Variants in DBN1 observed in about 807,000 individuals in gnomAD.
DBN1 encodes the protein drebrin.
A neutral mutation model predicts 83.5 loss-of-function variants in DBN1; 21 were observed. The observed-to-expected ratio is 0.25, with a 90% CI of 0.18 to 0.36. The LOEUF (loss-of-function observed/expected upper bound fraction) is 0.36, where lower values mean the gene tolerates loss of function less well. Among genes scored for constraint, DBN1 ranks in the 10% least tolerant of loss-of-function variants. The pLI, the probability that DBN1 is intolerant of heterozygous loss-of-function variation, is 1.00. For missense variants in DBN1, 874 were observed against 935.7 expected (o/e 0.93, Z 0.86); for synonymous variants, 381 against 384.9 (o/e 0.99, Z 0.12).
rs755552376 is a variant in DBN1, at chr5:177,459,144, G to A, written c.1218C>T (p.Thr406=). 6.2e-7 allele frequency: 1 copy of A among 1,611,732 alleles called. No individual in the cohort carries two copies. Among genetic ancestry groups the A allele is most frequent in the South Asian group, 1.1e-5 (1 of 90,962 alleles). ...EQIERALDEV[T]SSQPPPLPPP... is the part of the protein sequence containing the mutation. ...GTGGCAGTGGTGGAGGCTGCGAGGA[G>A]GTGACCTCATCCAGGGCCCGCTCTA... Residue 406 remains threonine, a synonymous_variant, in exon 12 of 15, where the codon ACC becomes ACT. Coordinates refer to ENST00000393565, the MANE Select transcript of DBN1 (RefSeq NM_001363541.2).
Position 177,463,448 on chromosome 5 carries a change from C to A in DBN1, c.772-2745G>T, listed in dbSNP as rs938248552. Among the ~76,000 whole-genome samples the A allele has an allele frequency of 2.0e-5, 3 of 152,206 alleles. No individual in the cohort carries two copies. In the East Asian group the frequency reaches 5.8e-4, roughly 29 times the overall value. ...CACATGGGTCAAAGCCACTGCTGTG[C>A]CTAAAGCATTTTCAGATACACGGGA... On this transcript the variant is annotated intron_variant, in intron 8 of 14. Transcript: ENST00000393565.
Position 177,473,329 on chromosome 5 carries a change from C to T in DBN1, c.86+107G>A, listed in dbSNP as rs1206405811. 2.0e-5 allele frequency: 12 copies of T among 606,350 alleles called. No individual in the cohort carries two copies. The East Asian group carries it at 2.9e-4, about 15-fold the overall frequency. The allele number at this position is 606,350 out of a possible 1,614,324, so 37.6% of individuals were successfully genotyped here. A position where few individuals can be genotyped will look rare whatever the true frequency, so the allele number is the denominator to read the frequency against. The stretch of plus-strand genomic sequence containing the variant: ...GCCCTCCCGGCCCGCTGCACCATTT[C>T]GGGGTCCCCCTCCCTTCCCGGCGGC... On this transcript the variant is annotated intron_variant, in intron 1 of 14. Transcript: ENST00000393565.
At chr5:177,461,971 A>G (rs1250642903) in intron 8 of DBN1, among the ~76,000 whole-genome samples, 1 of 152,168 alleles carries the variant, frequency 6.6e-6, no homozygotes, top group Non-Finnish European at 1.5e-5. Context: ...GTTTCTCTTG[A>G]GGTGACAGAG....
chr5:177,468,627 G>A (rs1387716831), intron 2 of DBN1: 1 of 428,262 alleles, frequency 2.3e-6, no homozygotes, highest in African/African-American at 2.0e-5. Context: ...CCCTGTTGGA[G>A]GCTCAGCCTC....
At position 177,457,987 on chromosome 5, in the gene DBN1, G is replaced by A. The variant is rs752043399; in HGVS notation, c.1914+71C>T. 17 of 1,587,082 alleles carry A rather than the reference G, an allele frequency of 1.1e-5. No homozygotes were observed. In the Admixed American group the frequency reaches 1.3e-4, roughly 12 times the overall value. ...AAGGGGGTACTGGTGCAAGCATGAG[G>A]AATGCAGGGCCAGCACCCTGCTCAG... On this transcript the variant is annotated intron_variant, in intron 13 of 14. Transcript: ENST00000393565.
chr5:177,457,652 T>C lies in DBN1; in HGVS notation c.2017+3A>G, dbSNP rs1756618849. On this transcript the variant is annotated splice_donor_region_variant and intron_variant, in intron 14 of 14. Coordinates refer to ENST00000393565, the MANE Select transcript of DBN1 (RefSeq NM_001363541.2). The stretch of plus-strand genomic sequence containing the variant: ...TCCTCCCCATCATCCAGCCCAGTAC[T>C]ACCTGGAGGCTTGTTGTAGAACACA... 3 of 1,588,556 alleles carry C rather than the reference T, an allele frequency of 1.9e-6. No homozygotes were observed. In the East Asian group the frequency reaches 6.7e-5, roughly 36 times the overall value.
chr5:177,468,920 C>T (rs1757657323), intron 1 of DBN1, 21 bp from the exon 2 acceptor site: 4 of 1,310,900 alleles, frequency 3.1e-6, no homozygotes, highest in African/African-American at 1.5e-5. Flanking sequence ...GGAGGGGTGG[C>T]TGTCAAACTG....
At chr5:177,468,935 G>A in intron 1 of DBN1, 36 bp from the exon 2 acceptor site, 1 of 1,293,628 alleles carries the variant, frequency 7.7e-7, no homozygotes. Flanking sequence ...AAACTGTCAG[G>A]GCCCAGGCCG....
intron 1 of DBN1, chr5:177,472,396 C>A (rs1431477571): frequency 6.9e-7 from 1 of 1,449,366 alleles, no homozygotes; most frequent in Non-Finnish European, 9.0e-7. Context: ...TGGGCACCTT[C>A]CCTAGAAGAA....
intron 1 of DBN1, 97 bp downstream of exon 1, chr5:177,473,339 C>T: frequency 1.4e-6 from 1 of 715,174 alleles, no homozygotes; most frequent in African/African-American, 1.8e-5. Context: ...CGGGGTCCCC[C>T]TCCCTTCCCG....
chr5:177,460,751 C>T (rs776196093), intron 8 of DBN1, 48 bp from the exon 9 acceptor site: 52 of 1,581,118 alleles, frequency 3.3e-5, no homozygotes, highest in Non-Finnish European at 4.2e-5. Context: ...CCCACAGGGG[C>T]TTTTGGCCTT....
intron 13 of DBN1, 147 bp downstream of exon 13, chr5:177,457,911 C>G: frequency 2.0e-6 from 2 of 1,004,380 alleles, no homozygotes; most frequent in South Asian, 1.3e-5. Flanking sequence ...AGAGCCGGCC[C>G]AGGGAGGGAG....
Position 177,459,178 on chromosome 5 carries a change from G to A in DBN1, c.1184C>T (p.Ala395Val), listed in dbSNP as rs139683766. The A allele has an allele frequency of 1.8e-4, 297 of 1,611,538 alleles. No homozygotes were observed. The African/African-American group carries it at 3.4e-3, about 18-fold the overall frequency. ...ATCCAGGGCCCGCTCTATCTGCTCA[G>A]CGACAGGGGTGGAGGCGGTGCTGGA... ...SDSSTASTPVAEQIERALDEV... is the reference protein window; with the variant it reads ...SDSSTASTPVVEQIERALDEV... The change falls in exon 12 of 15, where the codon GCT becomes GTT. Residue 395 changes from alanine to valine, a missense_variant. Physicochemically the swap from Ala to Val is moderately conservative, Grantham distance 64. This residue lies in a region of DBN1 where 725 missense variants were observed against 719.7 expected (regional missense o/e 1.01). Transcript: ENST00000393565.
intron 10 of DBN1, 25 bp downstream of exon 10, chr5:177,460,407 G>T: frequency 6.2e-7 from 1 of 1,612,720 alleles, no homozygotes; most frequent in Non-Finnish European, 8.5e-7. Context: ...AGTGGGGCCG[G>T]ACGGGGGGTG....
At chr5:177,462,196 C>A in intron 8 of DBN1, 2 of 983,546 alleles carry the variant, frequency 2.0e-6, no homozygotes, top group Non-Finnish European at 2.4e-6. Context: ...TCCAACACCA[C>A]CCCCTGCCGG....
chr5:177,462,368 C>A, intron 8 of DBN1: 1 of 985,582 alleles, frequency 1.0e-6, no homozygotes, highest in Non-Finnish European at 1.2e-6. Context: ...GGGCCAGGCC[C>A]TCTGGTTTCC....
chr5:177,472,192 G>A (rs1315480489), intron 1 of DBN1: 1 of 1,613,700 alleles, frequency 6.2e-7, no homozygotes, highest in South Asian at 1.1e-5. Flanking sequence ...GCAGTACCAT[G>A]CCATGGATGC....
Position 177,457,461 on chromosome 5 carries a change from T to C in DBN1, c.2060A>G (p.Glu687Gly). 6.2e-7 allele frequency: 1 copy of C among 1,614,164 alleles called. No homozygotes were observed. Among genetic ancestry groups the C allele is most frequent in the Non-Finnish European group, 8.5e-7 (1 of 1,180,008 alleles). The change falls in exon 15 of 15, where the codon GAG becomes GGG. Residue 687 changes from glutamate to glycine, a missense_variant. By Grantham distance (98) the Glu-to-Gly change is moderately conservative (BLOSUM62 -2). Transcript: ENST00000393565. ...ATCACCACCCTCGAAGCCCTCCTCC[T>C]CTTCTGGAACTGGGTCTGCATCCCA... ...TCWDADPVPEEEEGFEGGD is the reference protein window; with the variant it reads ...TCWDADPVPEGEEGFEGGD
At chr5:177,468,794 C>T (rs751500218) in intron 2 of DBN1, 50 bp downstream of exon 2, 14 of 1,266,200 alleles carry the variant, frequency 1.1e-5, no homozygotes, top group Admixed American at 2.9e-5. Context: ...AAGAAAACAA[C>T]CAGGAGGAGG....
Sources: allele counts gnomAD v4.1 joint callset (sites outside exome capture counted in the v4.1 genomes callset), GRCh38; gene constraint gnomAD v4.1.1; regional missense constraint gnomAD v4.1.1; transcripts MANE v1.5; gene names NCBI Gene and HGNC (gene_info 2026-07-23, HGNC 2026-07-21).